C1RL: variants seen among roughly 807,000 people sequenced by gnomAD.
C1RL encodes the protein complement C1r subcomponent like, also known as complement C1r subcomponent-like protein.
Under a neutral mutation model 27.9 loss-of-function variants are expected in C1RL, and 27 were observed. The ratio of observed to expected loss-of-function variants is 0.97; its 90% CI spans 0.71 to 1.33. C1RL has a LOEUF of 1.33. C1RL is among the 40% of genes most tolerant of loss of function. The pLI is 0.00. For synonymous variants in C1RL, 248 were observed against 252.1 expected, an observed-to-expected ratio of 0.98 and a Z score of 0.15; for missense variants, 563 against 623.9, an observed-to-expected ratio of 0.90 and a Z score of 1.04.
At chr12:7,102,634 C>T (rs1938658520) in intron 2 of C1RL, among the ~76,000 whole-genome samples, 1 of 152,210 alleles carries the variant, frequency 6.6e-6, no homozygotes, top group Admixed American at 6.5e-5. Flanking sequence ...GAGACTGAGC[C>T]TCTGGGGTCC....
At position 7,096,280 on chromosome 12, in the gene C1RL, T is replaced by TTG; in HGVS notation, c.*110_*111insCA. ...GTGATGTGAATAGGATTTCCCTGCC[T>TTG]CCCCCAACCCCCCACCCCCAACCCC... On this transcript the variant is annotated 3_prime_UTR_variant, in exon 6 of 6. Transcript: ENST00000266542. The TTG allele has an allele frequency of 4.0e-6, 4 of 992,720 alleles. No individual in the cohort carries two copies. Among genetic ancestry groups the TTG allele is most frequent in the Non-Finnish European group, 4.8e-6 (4 of 832,224 alleles). 61.5% of individuals were successfully genotyped at this position (992,720 alleles called of 1,614,324 possible).
Position 7,096,958 on chromosome 12 carries a change from C to CACA in C1RL, c.894_896dup (p.Val299dup), listed in dbSNP as rs2135752570. 6.2e-7 allele frequency: 1 copy of CACA among 1,613,390 alleles called. No homozygotes were observed. Among genetic ancestry groups the CACA allele is most frequent in the Non-Finnish European group, 8.5e-7 (1 of 1,179,660 alleles). On this transcript the variant is annotated inframe_insertion, in exon 6 of 6. Transcript: ENST00000266542. ...TGGCTGTGTGGCCCAAGAACACATT[C>CACA]ACACTCTGGTTCTTCCTGAGAGAAA...
In C1RL at chr12:7,101,869, C is replaced by G. The variant is rs200720903; in HGVS notation, c.490+29G>C. 1.9e-6 allele frequency: 3 copies of G among 1,609,454 alleles called. No individual in the cohort carries two copies. The Admixed American group carries it at 5.0e-5, about 27-fold the overall frequency. On this transcript the variant is annotated intron_variant, in intron 3 of 5. Coordinates refer to ENST00000266542, the MANE Select transcript of C1RL (RefSeq NM_016546.4). ...GGTCATGGCTGGGAACAGAGGCTCC[C>G]TCCCTGCACCCCCAGGAGGGACACT...
At position 7,096,159 on chromosome 12, in the gene C1RL, A is replaced by C; in HGVS notation, c.*232T>G. On this transcript the variant is annotated 3_prime_UTR_variant, in exon 6 of 6. Transcript: ENST00000266542. Reference sequence around the variant, plus strand: ...CTAGTGCATGAGCACAGGGAGGTAGAGGGTGAGGAGGAGCGGTCTGTGGGA... The same window carrying C: ...CTAGTGCATGAGCACAGGGAGGTAGCGGGTGAGGAGGAGCGGTCTGTGGGA... The C allele has an allele frequency of 7.5e-7, 1 of 1,324,898 alleles. No individual in the cohort carries two copies. Among genetic ancestry groups the C allele is most frequent in the Non-Finnish European group, 9.6e-7 (1 of 1,039,224 alleles). The allele number at this position is 1,324,898 out of a possible 1,614,324, so 82.1% of individuals were successfully genotyped here. A position where few individuals can be genotyped will look rare whatever the true frequency, so the allele number is the denominator to read the frequency against.
rs2135751456 is a variant in C1RL at position 7,096,363 on chromosome 12, T to C, written c.*28A>G. ...CTGTTGCCTGGGGCCTCCACTGTGCTGGTCAGTCCCTGTTCAAGCCCCCAG... is the reference window on the plus strand; with the variant it reads ...CTGTTGCCTGGGGCCTCCACTGTGCCGGTCAGTCCCTGTTCAAGCCCCCAG... On this transcript the variant is annotated 3_prime_UTR_variant, in exon 6 of 6. Transcript: ENST00000266542. The C allele has an allele frequency of 7.5e-7, 1 of 1,327,486 alleles. No individual in the cohort carries two copies. The highest frequency in any genetic ancestry group is 1.0e-6 in the Non-Finnish European group (1 of 1,004,454). The allele number at this position is 1,327,486 out of a possible 1,614,324, so 82.2% of individuals were successfully genotyped here. A position where few individuals can be genotyped will look rare whatever the true frequency, so the allele number is the denominator to read the frequency against.
chr12:7,099,573 C>T lies in C1RL; in HGVS notation c.691+113G>A, dbSNP rs775871096. The T allele has an allele frequency of 9.5e-5, 139 of 1,466,242 alleles. No individual in the cohort carries two copies. The African/African-American group carries it at 1.9e-3, about 20-fold the overall frequency. The allele number at this position is 1,466,242 out of a possible 1,614,324, so 90.8% of individuals were successfully genotyped here. On this transcript the variant is annotated intron_variant, in intron 5 of 5. Transcript: ENST00000266542. ...TGATTGCCCTGTTCTTCCTCACCTT[C>T]TGCTTCTTATCTTCCTTTCTATTCT...
Position 7,094,893 on chromosome 12 carries a change from T to A in C1RL, c.*1498A>T, listed in dbSNP as rs1223771314. 1.1e-5 allele frequency: 11 copies of A among 1,007,152 alleles called. No individual in the cohort carries two copies. Among genetic ancestry groups the A allele is most frequent in the Non-Finnish European group, 1.3e-5 (11 of 842,368 alleles). 62.4% of individuals were successfully genotyped at this position (1,007,152 alleles called of 1,614,324 possible). A position where few individuals can be genotyped will look rare whatever the true frequency, so the allele number is the denominator to read the frequency against. ...TGCACCTGCCTTTTGGGAATATTTT[T>A]AATAATCTTTTGTACTGTATGTGGG... On this transcript the variant is annotated 3_prime_UTR_variant, in exon 6 of 6. Transcript: ENST00000266542.
At chr12:7,109,088 C>A in intron 1 of C1RL, 22 bp downstream of exon 1, 1 of 1,571,358 alleles carries the variant, frequency 6.4e-7, no homozygotes, top group South Asian at 1.2e-5. Flanking sequence ...CTTCCCTCCT[C>A]CTCTGCCGGG....
chr12:7,103,489 G>C (rs1194048928), intron 2 of C1RL, among the ~76,000 whole-genome samples: 1 of 152,154 alleles, frequency 6.6e-6, no homozygotes, highest in Non-Finnish European at 1.5e-5. Flanking sequence ...TCTGCACTAA[G>C]AGCAGTGGTG....
At position 7,104,444 on chromosome 12, in the gene C1RL, C is replaced by T. The variant is rs1021406005; in HGVS notation, c.301-2357G>A. On this transcript the variant is annotated intron_variant, in intron 2 of 5. Transcript: ENST00000266542. The surrounding 1 kb of genome is among the most constrained non-coding windows in gnomAD (Gnocchi z 5.4). ...ACGTTGACGAGAAAAAATATTGCCC[C>T]GTGTCCGGGGCCACTCTCTGGGTGA... Among the ~76,000 whole-genome samples, 12 of 152,226 alleles carry T rather than the reference C, an allele frequency of 7.9e-5. No individual in the cohort carries two copies. Among genetic ancestry groups the T allele is most frequent in the Admixed American group, 3.9e-4 (6 of 15,288 alleles).
At chr12:7,100,287 A>C (rs753116662) in intron 3 of C1RL, among the ~76,000 whole-genome samples, 21 of 152,332 alleles carry the variant, frequency 1.4e-4, no homozygotes, top group Admixed American at 1.2e-3. Context: ...GTTTTGGAGA[A>C]AATTTTAGCA....
intron 1 of C1RL, 41 bp from the exon 2 acceptor site, chr12:7,108,520 T>C (rs770836348): frequency 2.7e-6 from 4 of 1,505,120 alleles, no homozygotes; most frequent in East Asian, 4.6e-5. Context: ...CGCGCAGCTA[T>C]GGCCGGAAGC....
Position 7,095,120 on chromosome 12 carries a change from C to CTTTTTTT in C1RL, c.*1264_*1270dup. The CTTTTTTT allele has an allele frequency of 9.3e-7, 1 of 1,072,074 alleles. No homozygotes were observed. The highest frequency in any genetic ancestry group is 1.2e-6 in the Non-Finnish European group (1 of 837,774). The allele number at this position is 1,072,074 out of a possible 1,614,324, so 66.4% of individuals were successfully genotyped here. ...TCTTTCACTGTAAATCACCTCCAATCTTTTTTTTTTGGGGGGGATGAAGTC... is the reference window on the plus strand; with the variant it reads ...TCTTTCACTGTAAATCACCTCCAATCTTTTTTTTTTTTTTTTTGGGGGGGATGAAGTC... On this transcript the variant is annotated 3_prime_UTR_variant, in exon 6 of 6. Coordinates refer to ENST00000266542, the MANE Select transcript of C1RL (RefSeq NM_016546.4).
chr12:7,095,990 C>G lies in C1RL; in HGVS notation c.*401G>C, dbSNP rs2135750944. On this transcript the variant is annotated 3_prime_UTR_variant, in exon 6 of 6. Coordinates refer to ENST00000266542, the MANE Select transcript of C1RL (RefSeq NM_016546.4). The stretch of plus-strand genomic sequence containing the variant: ...TTCAGAAATGCAATGCAATGAAAAC[C>G]CCTTCCTCCATACTCTAATAGCGGG... 2 of 1,002,090 alleles carry G rather than the reference C, an allele frequency of 2.0e-6. No homozygotes were observed. The highest frequency in any genetic ancestry group is 2.4e-6 in the Non-Finnish European group (2 of 841,924). The allele number at this position is 1,002,090 out of a possible 1,614,324, so 62.1% of individuals were successfully genotyped here. A position where few individuals can be genotyped will look rare whatever the true frequency, so the allele number is the denominator to read the frequency against.
At chr12:7,100,439 C>T (rs1300097422) in intron 3 of C1RL, among the ~76,000 whole-genome samples, 2 of 152,168 alleles carry the variant, frequency 1.3e-5, no homozygotes, top group Admixed American at 1.3e-4. Flanking sequence ...AAGTATCTAT[C>T]AGGAGGGCTG....
intron 1 of C1RL, 151 bp from the exon 2 acceptor site, chr12:7,108,630 C>T: frequency 1.6e-6 from 1 of 612,516 alleles, no homozygotes; most frequent in Non-Finnish European, 2.8e-6. Context: ...CGGGCACTTC[C>T]CGTCTCCTCC....
At chr12:7,099,787 G>T in intron 4 of C1RL, 27 bp from the exon 5 acceptor site, 2 of 1,604,964 alleles carry the variant, frequency 1.2e-6, no homozygotes, top group African/African-American at 1.3e-5. Context: ...GAGAGGCAAA[G>T]AAATAGGCTC....
chr12:7,105,044 C>G (rs1938724843), intron 2 of C1RL, among the ~76,000 whole-genome samples: 2 of 152,314 alleles, frequency 1.3e-5, no homozygotes, highest in Admixed American at 1.3e-4. Flanking sequence ...AGGCCCTTTT[C>G]TCAGCTTGTT....
rs1337852720 is a variant in C1RL, at chr12:7,096,443, T to G, written c.1412A>C (p.Lys471Thr). Residue 471 changes from lysine (K) to threonine (T), a missense_variant, in exon 6 of 6, where the codon AAG becomes ACG. Lys to Thr is a moderately conservative substitution (Grantham distance 78). Transcript: ENST00000266542. ...GATCCAGTCCACATAGCTGAGCACCTTGGTGTAGAAGTCATACCCTTCGCC... is the reference window on the plus strand; with the variant it reads ...GATCCAGTCCACATAGCTGAGCACCGTGGTGTAGAAGTCATACCCTTCGCC... ...GCGEGYDFYT[K>T]VLSYVDWIKG... 1 of 1,613,976 alleles carries G rather than the reference T, an allele frequency of 6.2e-7. No homozygotes were observed. The highest frequency in any genetic ancestry group is 1.1e-5 in the South Asian group (1 of 91,062).
Sources: gnomAD v4.1 joint callset for allele counts (sites outside exome capture counted in the v4.1 genomes callset) on GRCh38, gnomAD v4.1.1 for gene constraint, Gnocchi (gnomAD v3.1) non-coding constraint, MANE v1.5 for transcripts, NCBI Gene and HGNC (gene_info 2026-07-23, HGNC 2026-07-21) for gene names.